Variants in CTCF observed in about 807,000 individuals in gnomAD.
The protein encoded by CTCF is transcriptional repressor CTCF.
In CTCF, 7 loss-of-function variants were observed where a neutral mutation model predicts 72.3. The ratio of observed to expected loss-of-function variants is 0.10; its 90% CI spans 0.06 to 0.18. The LOEUF is 0.18. CTCF is among the 10% of genes least tolerant of loss of function. CTCF has a pLI of 1.00. For missense variants in CTCF, 516 were observed against 949.1 expected (o/e 0.54, Z 6.00); for synonymous variants, 374 against 315.8 (o/e 1.18, Z -1.95).
At chr16:67,634,537 T>TA (rs1555536562) in intron 10 of CTCF, among the ~76,000 whole-genome samples, 3 of 148,332 alleles carry the variant, frequency 2.0e-5, no homozygotes, top group African/African-American at 7.5e-5. Flanking sequence ...TTTTTTTTTT[T>TA]ACACAGGATC....
chr16:67,562,858 T>G (rs1331502890), intron 1 of CTCF, 134 bp downstream of exon 1: 1 of 149,396 alleles, frequency 6.7e-6, no homozygotes, highest in Non-Finnish European at 1.5e-5. Flanking sequence ...CTACCGTCCC[T>G]GCTGCGGCGC....
intron 7 of CTCF, among the ~76,000 whole-genome samples, chr16:67,626,111 A>G (rs2052283128): frequency 6.6e-6 from 1 of 151,666 alleles, no homozygotes; most frequent in Non-Finnish European, 1.5e-5. Flanking sequence ...CTTTTCATTC[A>G]TTTTCTGTAT....
chr16:67,612,856 G>C (rs1012797742), intron 4 of CTCF, among the ~76,000 whole-genome samples: 2 of 151,812 alleles, frequency 1.3e-5, no homozygotes, highest in Non-Finnish European at 2.9e-5. Context: ...AGAATCGCTT[G>C]AAACCTGGGA....
chr16:67,581,998 C>T (rs879276587), intron 2 of CTCF, among the ~76,000 whole-genome samples: 4 of 151,718 alleles, frequency 2.6e-5, no homozygotes, highest in Non-Finnish European at 4.4e-5. Context: ...CCGAGGCTGG[C>T]GGATCACGAG....
chr16:67,596,723 T>A (rs2051820721), intron 2 of CTCF, among the ~76,000 whole-genome samples: 1 of 151,920 alleles, frequency 6.6e-6, no homozygotes, highest in Non-Finnish European at 1.5e-5. Context: ...GTAGCTGGGA[T>A]TACAGGCACA....
intron 7 of CTCF, among the ~76,000 whole-genome samples, chr16:67,624,071 A>ATATGTGTGTG (rs71382019): frequency 2.6e-4 from 31 of 117,584 alleles, no homozygotes; most frequent in African/African-American, 3.4e-4. Context: ...AAAATTATAT[A>ATATGTGTGTG]TGTGTGTGTG....
chr16:67,607,274 T>C (rs950758546), intron 2 of CTCF, among the ~76,000 whole-genome samples: 8 of 151,554 alleles, frequency 5.3e-5, no homozygotes, highest in Admixed American at 5.3e-4. Flanking sequence ...TACTCTTGTT[T>C]AGGTAATGTC....
At chr16:67,594,751 G>C (rs1192409550) in intron 2 of CTCF, among the ~76,000 whole-genome samples, 1 of 152,172 alleles carries the variant, frequency 6.6e-6, no homozygotes, top group Non-Finnish European at 1.5e-5. Context: ...CAAAGTCAGT[G>C]AGAATTCCTG....
chr16:67,585,264 C>T (rs1457088096), intron 2 of CTCF, among the ~76,000 whole-genome samples: 4 of 152,026 alleles, frequency 2.6e-5, no homozygotes, highest in Admixed American at 1.3e-4. Flanking sequence ...TGGTCAGGCT[C>T]GTCTCAAACT....
At chr16:67,628,046 G>A in intron 8 of CTCF, 4 of 218,618 alleles carry the variant, frequency 1.8e-5, no homozygotes, top group Non-Finnish European at 2.7e-5. Context: ...AGCGAGCCAA[G>A]ATCGCGCCAC....
chr16:67,590,599 A>G (rs2051728979), intron 2 of CTCF, among the ~76,000 whole-genome samples: 1 of 151,766 alleles, frequency 6.6e-6, no homozygotes, highest in African/African-American at 2.4e-5. Context: ...GGCCTCCCAA[A>G]GTGCTGGGAT....
intron 10 of CTCF, among the ~76,000 whole-genome samples, chr16:67,630,397 G>T (rs528181461): frequency 9.2e-5 from 14 of 152,116 alleles, no homozygotes; most frequent in Admixed American, 2.6e-4. Context: ...CCTACCACAG[G>T]TACTCTTTGG....
At chr16:67,569,573 T>G (rs2051385684) in intron 1 of CTCF, among the ~76,000 whole-genome samples, 1 of 152,136 alleles carries the variant, frequency 6.6e-6, no homozygotes, top group East Asian at 1.9e-4. Flanking sequence ...TTTTGTAATT[T>G]AGGGTGAAAA....
intron 2 of CTCF, among the ~76,000 whole-genome samples, chr16:67,599,262 G>T (rs1567603052): frequency 6.6e-6 from 1 of 152,214 alleles, no homozygotes; most frequent in Non-Finnish European, 1.5e-5. Flanking sequence ...GGGCCTGGTG[G>T]CACGCGCTGG....
At chr16:67,576,536 C>A (rs1163005480) in intron 2 of CTCF, among the ~76,000 whole-genome samples, 1 of 150,648 alleles carries the variant, frequency 6.6e-6, no homozygotes, top group Non-Finnish European at 1.5e-5. Flanking sequence ...TATGATACAT[C>A]CCTATAATAG....
At chr16:67,622,675 C>G (rs1282250762) in intron 7 of CTCF, among the ~76,000 whole-genome samples, 2 of 146,602 alleles carry the variant, frequency 1.4e-5, no homozygotes, top group African/African-American at 5.1e-5. Flanking sequence ...TGGAGTTTTC[C>G]TCTCGTCACC....
intron 10 of CTCF, 62 bp from the exon 11 acceptor site, chr16:67,636,628 C>T: frequency 1.7e-6 from 2 of 1,172,684 alleles, no homozygotes; most frequent in Non-Finnish European, 2.3e-6. Context: ...TAATTGTTTT[C>T]TTTCATCTTC....
intron 7 of CTCF, among the ~76,000 whole-genome samples, chr16:67,625,339 C>T (rs1052335587): frequency 6.6e-6 from 1 of 152,138 alleles, no homozygotes; most frequent in African/African-American, 2.4e-5. Flanking sequence ...TACAGGTTTA[C>T]AGGCATACAC....
intron 2 of CTCF, among the ~76,000 whole-genome samples, chr16:67,596,142 C>T (rs757658696): frequency 1.3e-5 from 2 of 151,986 alleles, no homozygotes; most frequent in Non-Finnish European, 2.9e-5. Context: ...TTAGTAGAGA[C>T]GGAGATTCAC....
Sources: allele counts gnomAD v4.1 joint callset (sites outside exome capture counted in the v4.1 genomes callset), GRCh38; gene constraint gnomAD v4.1.1; transcripts MANE v1.5; gene names NCBI Gene and HGNC (gene_info 2026-07-23, HGNC 2026-07-21).